Variants in PPARG observed in about 807,000 individuals in gnomAD.
The protein encoded by PPARG is peroxisome proliferator-activated receptor gamma.
PPARG carries 17 observed loss-of-function variants against 39.2 expected under a neutral mutation model. The ratio of observed to expected loss-of-function variants is 0.43; its 90% CI spans 0.30 to 0.65. The LOEUF (loss-of-function observed/expected upper bound fraction) is 0.65, where lower values mean the gene tolerates loss of function less well. Ranked by LOEUF, PPARG falls within the 30% of genes least tolerant of loss-of-function variation. The probability of loss-of-function intolerance (pLI) is 0.13; values close to 1 mark genes in which losing one functional copy is unlikely to be tolerated. For synonymous variants in PPARG, 223 were observed against 215.7 expected, an observed-to-expected ratio of 1.03 and a Z score of -0.30; for missense variants, 406 against 585.9, an observed-to-expected ratio of 0.69 and a Z score of 3.17.
At chr3:12,381,900 C>G (rs1424958934) in intron 4 of PPARG, among the ~76,000 whole-genome samples, 1 of 152,058 alleles carries the variant, frequency 6.6e-6, no homozygotes, top group Non-Finnish European at 1.5e-5. Context: ...ATGCAGATTT[C>G]CTGCATTCTC....
At chr3:12,316,945 A>G (rs1182594280) in intron 2 of PPARG, among the ~76,000 whole-genome samples, 1 of 152,190 alleles carries the variant, frequency 6.6e-6, no homozygotes, top group African/African-American at 2.4e-5. Context: ...ACTGATGGTG[A>G]GGGAGAAAAG....
At chr3:12,344,990 A>C (rs945634341) in intron 2 of PPARG, 2 of 152,198 alleles carry the variant, frequency 1.3e-5, no homozygotes, top group Non-Finnish European at 2.9e-5. Context: ...AACCCTATTC[A>C]ATAGTTGTTA....
intron 2 of PPARG, among the ~76,000 whole-genome samples, chr3:12,323,459 G>A (rs1361350424): frequency 6.6e-6 from 1 of 151,004 alleles, no homozygotes; most frequent in Non-Finnish European, 1.5e-5. Flanking sequence ...TGCCAAAGGA[G>A]GGGACTTTTA....
intron 7 of PPARG, among the ~76,000 whole-genome samples, chr3:12,423,501 A>C (rs1052889551): frequency 1.3e-5 from 2 of 152,230 alleles, no homozygotes; most frequent in African/African-American, 2.4e-5. Context: ...TCTCTGGAAC[A>C]AAAGACAGGA....
chr3:12,394,273 T>A (rs908305402), intron 5 of PPARG, among the ~76,000 whole-genome samples: 5 of 152,218 alleles, frequency 3.3e-5, no homozygotes, highest in African/African-American at 1.2e-4. Context: ...AATTATCACT[T>A]CACACATTCA....
intron 2 of PPARG, among the ~76,000 whole-genome samples, chr3:12,363,323 G>A (rs569604904): frequency 6.6e-5 from 10 of 152,276 alleles, no homozygotes; most frequent in African/African-American, 1.9e-4. Context: ...ATACTATATG[G>A]TATAACTAAT....
At chr3:12,387,181 T>C (rs530009203) in intron 4 of PPARG, among the ~76,000 whole-genome samples, 63 of 152,302 alleles carry the variant, frequency 4.1e-4, no homozygotes, top group African/African-American at 1.4e-3. Context: ...AATAAACATA[T>C]GTGTGCATGT....
At chr3:12,304,217 CG>C (rs1390071636) in intron 1 of PPARG, among the ~76,000 whole-genome samples, 1 of 152,294 alleles carries the variant, frequency 6.6e-6, no homozygotes, top group South Asian at 2.1e-4. Context: ...TTCTTGCCCC[CG>C]TGATGTCATA....
At chr3:12,418,054 A>G (rs2051138791) in intron 7 of PPARG, among the ~76,000 whole-genome samples, 1 of 151,614 alleles carries the variant, frequency 6.6e-6, no homozygotes, top group Admixed American at 6.6e-5. Flanking sequence ...TGGCCATTTT[A>G]CAGTTGGGCT....
intron 1 of PPARG, among the ~76,000 whole-genome samples, chr3:12,304,061 A>G (rs570752513): frequency 6.6e-6 from 1 of 152,330 alleles, no homozygotes; most frequent in Admixed American, 6.5e-5. Flanking sequence ...ACTATTCTCT[A>G]ATGCCTTCTC....
chr3:12,415,885 A>G (rs1186493121), intron 6 of PPARG, among the ~76,000 whole-genome samples: 1 of 152,242 alleles, frequency 6.6e-6, no homozygotes, highest in East Asian at 1.9e-4. Flanking sequence ...CTAAAACGGA[A>G]AAGTTATTAC....
chr3:12,334,204 G>T (rs568705101), intron 2 of PPARG, among the ~76,000 whole-genome samples: 4 of 151,582 alleles, frequency 2.6e-5, no homozygotes, highest in African/African-American at 9.7e-5. Flanking sequence ...TGTTGACTTG[G>T]CTTAAATTTT....
At chr3:12,366,836 G>C (rs114899707) in intron 2 of PPARG, among the ~76,000 whole-genome samples, 1,938 of 152,254 alleles carry the variant, frequency 0.013, 22 homozygotes, top group Middle Eastern at 0.02. Flanking sequence ...CTGTCCATGA[G>C]AGATTGGTCT....
chr3:12,310,807 A>ACC (rs1559488633), intron 1 of PPARG, among the ~76,000 whole-genome samples: 4 of 129,172 alleles, frequency 3.1e-5, no homozygotes, highest in Admixed American at 9.0e-5. Context: ...AAAAAAAAAA[A>ACC]AAAAAAAAAA....
At chr3:12,296,328 A>G (rs988552077) in intron 1 of PPARG, among the ~76,000 whole-genome samples, 3 of 150,130 alleles carry the variant, frequency 2.0e-5, no homozygotes, top group African/African-American at 7.3e-5. Context: ...TGGTCCTGGG[A>G]TCGTGAGCAT....
intron 1 of PPARG, among the ~76,000 whole-genome samples, chr3:12,294,741 A>T (rs544369837): frequency 2.6e-5 from 4 of 152,098 alleles, no homozygotes; most frequent in Admixed American, 2.6e-4. Flanking sequence ...CTAAAAATAC[A>T]AATTAGCTCG....
chr3:12,373,194 A>G (rs1244691980), intron 2 of PPARG, among the ~76,000 whole-genome samples: 1 of 152,140 alleles, frequency 6.6e-6, no homozygotes, highest in Non-Finnish European at 1.5e-5. Context: ...CTAAGTCAAA[A>G]TAAAATAAAA....
intron 2 of PPARG, among the ~76,000 whole-genome samples, chr3:12,364,882 G>T (rs1247848715): frequency 6.6e-6 from 1 of 152,140 alleles, no homozygotes; most frequent in Non-Finnish European, 1.5e-5. Context: ...TTAAAACAGG[G>T]TTATTCACTT....
chr3:12,355,301 AAT>A (rs1311158196), intron 2 of PPARG, among the ~76,000 whole-genome samples: 2 of 152,008 alleles, frequency 1.3e-5, no homozygotes, highest in Non-Finnish European at 2.9e-5. Context: ...ACACCCAGCA[AAT>A]TTTTGTAATT....
Sources: gnomAD v4.1 joint callset for allele counts (sites outside exome capture counted in the v4.1 genomes callset) on GRCh38, gnomAD v4.1.1 for gene constraint, MANE v1.5 for transcripts, NCBI Gene and HGNC (gene_info 2026-07-23, HGNC 2026-07-21) for gene names.